GPBP1: variants seen among roughly 807,000 people sequenced by gnomAD.
The protein encoded by GPBP1 is vasculin.
A neutral mutation model predicts 56.5 loss-of-function variants in GPBP1; 13 were observed. The observed-to-expected ratio is 0.23, with a 90% CI of 0.15 to 0.37. The LOEUF (loss-of-function observed/expected upper bound fraction) is 0.37. Among genes scored for constraint, GPBP1 ranks in the 10% least tolerant of loss-of-function variants. The probability of loss-of-function intolerance (pLI) is 1.00; values close to 1 mark genes in which losing one functional copy is unlikely to be tolerated. For synonymous variants in GPBP1, 204 were observed against 188.9 expected, an observed-to-expected ratio of 1.08 and a Z score of -0.66; for missense variants, 477 against 572.3, an observed-to-expected ratio of 0.83 and a Z score of 1.70.
intron 3 of GPBP1, among the ~76,000 whole-genome samples, chr5:57,223,027 CTA>C (rs1756018112): frequency 6.6e-6 from 1 of 152,024 alleles, no homozygotes; most frequent in African/African-American, 2.4e-5. Flanking sequence ...TTATGTTTGA[CTA>C]TATTTTTTAT....
chr5:57,260,845 G>A (rs1262296279), intron 10 of GPBP1, among the ~76,000 whole-genome samples: 1 of 152,142 alleles, frequency 6.6e-6, no homozygotes, highest in Non-Finnish European at 1.5e-5. Flanking sequence ...TGGTGGTACT[G>A]AAGAAAAAGA....
intron 6 of GPBP1, among the ~76,000 whole-genome samples, chr5:57,242,992 G>T (rs998753236): frequency 1.3e-5 from 2 of 150,486 alleles, no homozygotes; most frequent in African/African-American, 4.9e-5. Context: ...CTTGTGATCC[G>T]TCCGCCTCAG....
At chr5:57,187,036 G>A (rs544856852) in intron 2 of GPBP1, among the ~76,000 whole-genome samples, 32 of 141,454 alleles carry the variant, frequency 2.3e-4, no homozygotes, top group African/African-American at 6.5e-4. Flanking sequence ...GTGTGTGTGT[G>A]TGTATGTATG....
chr5:57,200,153 T>G (rs1443898994), intron 2 of GPBP1, among the ~76,000 whole-genome samples: 1 of 122,250 alleles, frequency 8.2e-6, no homozygotes, highest in Non-Finnish European at 1.6e-5. Flanking sequence ...CCTCCCCTGC[T>G]TCCTTCCCTT....
rs797013576 is a variant in GPBP1, at chr5:57,221,494, G to A, written c.63+7301G>A. The stretch of plus-strand genomic sequence containing the variant: ...TAGGAAGGATGACAAAATAATCCCT[G>A]TAAACAGGATGCTGTATCTTCATAA... On this transcript the variant is annotated intron_variant, in intron 3 of 11. Transcript: ENST00000506184. The A allele has an allele frequency of 1.6e-5, 12 of 757,208 alleles. No homozygotes were observed. In the African/African-American group the frequency reaches 1.8e-4, roughly 11 times the overall value. The allele number at this position is 757,208 out of a possible 1,614,324, so 46.9% of individuals were successfully genotyped here.
At position 57,262,789 on chromosome 5, in the gene GPBP1, A is replaced by G. The variant is rs752524178; in HGVS notation, c.*37A>G. On this transcript the variant is annotated 3_prime_UTR_variant, in exon 12 of 12. Coordinates refer to ENST00000506184, the MANE Select transcript of GPBP1 (RefSeq NM_022913.4). ...ACAGCTTTAGAAATCTTAGTGTGAT[A>G]CATCTCTCATACAGTTTGGGGTGAA... The G allele has an allele frequency of 1.9e-6, 3 of 1,572,476 alleles. No homozygotes were observed. The highest frequency in any genetic ancestry group is 4.5e-5 in the East Asian group (2 of 44,606).
chr5:57,242,498 T>A (rs1018102137), intron 6 of GPBP1, among the ~76,000 whole-genome samples: 1 of 152,308 alleles, frequency 6.6e-6, no homozygotes, highest in African/African-American at 2.4e-5. Flanking sequence ...ATGTGAATTC[T>A]TTTTGCAGTT....
At chr5:57,243,556 A>C (rs993824137) in intron 6 of GPBP1, among the ~76,000 whole-genome samples, 1 of 152,006 alleles carries the variant, frequency 6.6e-6, no homozygotes, top group African/African-American at 2.4e-5. Flanking sequence ...TCATTGAGGA[A>C]CTAGCCAGAA....
At chr5:57,179,281 A>T (rs1561317291) in intron 2 of GPBP1, among the ~76,000 whole-genome samples, 1 of 152,232 alleles carries the variant, frequency 6.6e-6, no homozygotes, top group Non-Finnish European at 1.5e-5. Context: ...TTGGAAATAA[A>T]CTAAGAGATA....
intron 10 of GPBP1, among the ~76,000 whole-genome samples, chr5:57,258,485 A>G (rs948985146): frequency 1.3e-5 from 2 of 152,220 alleles, no homozygotes; most frequent in Admixed American, 6.5e-5. Flanking sequence ...GTATTTGTAT[A>G]TCTAAGCATA....
chr5:57,187,598 G>A (rs917497368), intron 2 of GPBP1, among the ~76,000 whole-genome samples: 1 of 152,132 alleles, frequency 6.6e-6, no homozygotes, highest in Non-Finnish European at 1.5e-5. Flanking sequence ...ATGGTTTCAT[G>A]CCATCTGTTA....
At chr5:57,217,464 G>T (rs1458420056) in intron 3 of GPBP1, among the ~76,000 whole-genome samples, 1 of 152,134 alleles carries the variant, frequency 6.6e-6, no homozygotes, top group African/African-American at 2.4e-5. Context: ...CCAGCTACTT[G>T]GGAGGCTGAG....
chr5:57,220,645 A>T (rs1000208410), intron 3 of GPBP1, among the ~76,000 whole-genome samples: 2 of 151,780 alleles, frequency 1.3e-5, no homozygotes, highest in Non-Finnish European at 2.9e-5. Flanking sequence ...TTTTTAGTAG[A>T]GATGGGGTTT....
chr5:57,254,273 T>TGG (rs1741536239), intron 10 of GPBP1, among the ~76,000 whole-genome samples: 1 of 152,226 alleles, frequency 6.6e-6, no homozygotes, highest in Admixed American at 6.5e-5. Context: ...GAATAAATCT[T>TGG]TATCTTTCTG....
intron 5 of GPBP1, among the ~76,000 whole-genome samples, chr5:57,231,686 A>AAAT (rs1408384867): frequency 1.6e-4 from 24 of 152,350 alleles, no homozygotes; most frequent in African/African-American, 5.3e-4. Flanking sequence ...CATTCTTGAT[A>AAAT]ATTTAAAAGC....
intron 2 of GPBP1, among the ~76,000 whole-genome samples, chr5:57,199,651 C>T (rs762420303): frequency 6.6e-6 from 1 of 152,068 alleles, no homozygotes; most frequent in Non-Finnish European, 1.5e-5. Flanking sequence ...CCCATTAACT[C>T]GTCATTTACA....
intron 2 of GPBP1, among the ~76,000 whole-genome samples, chr5:57,186,538 A>AT (rs1754294418): frequency 1.3e-5 from 2 of 151,656 alleles, no homozygotes; most frequent in South Asian, 2.1e-4. Flanking sequence ...TTCATTTTGA[A>AT]TTTTTTGCAT....
intron 2 of GPBP1, among the ~76,000 whole-genome samples, chr5:57,208,009 G>A (rs546132159): frequency 3.8e-4 from 58 of 152,300 alleles, no homozygotes; most frequent in African/African-American, 1.3e-3. Context: ...CGATGGGGGT[G>A]TGACTGGCAG....
chr5:57,209,770 T>C (rs937287830), intron 2 of GPBP1, among the ~76,000 whole-genome samples: 1 of 152,194 alleles, frequency 6.6e-6, no homozygotes, highest in Non-Finnish European at 1.5e-5. Flanking sequence ...TTCTTTCATG[T>C]TATTAATGTG....
Sources: gnomAD v4.1 joint callset for allele counts (sites outside exome capture counted in the v4.1 genomes callset) on GRCh38, gnomAD v4.1.1 for gene constraint, MANE v1.5 for transcripts, NCBI Gene and HGNC (gene_info 2026-07-23, HGNC 2026-07-21) for gene names.